DCC: variants seen among roughly 807,000 people sequenced by gnomAD.
The protein encoded by DCC is netrin receptor DCC.
In DCC, 58 loss-of-function variants were observed where a neutral mutation model predicts 172.5. The observed-to-expected ratio is 0.34, with a 90% CI of 0.27 to 0.42. DCC has a LOEUF of 0.42. Among genes scored for constraint, DCC ranks in the 10% least tolerant of loss-of-function variants. The probability of loss-of-function intolerance (pLI) is 1.00; values close to 1 mark genes in which losing one functional copy is unlikely to be tolerated. For synonymous variants in DCC, 709 were observed against 644.5 expected (o/e 1.10, Z -1.52); for missense variants, 1,740 against 1,791.0 (o/e 0.97, Z 0.51).
intron 1 of DCC, among the ~76,000 whole-genome samples, chr18:52,690,096 A>G (rs145487313): frequency 9.2e-5 from 14 of 152,276 alleles, no homozygotes; most frequent in Admixed American, 2.0e-4. Context: ...TGACAGCTTG[A>G]CAGCAGCCTC....
At chr18:53,116,496 A>C (rs2043410965) in intron 7 of DCC, among the ~76,000 whole-genome samples, 1 of 151,700 alleles carries the variant, frequency 6.6e-6, no homozygotes, top group Non-Finnish European at 1.5e-5. Flanking sequence ...GAATGACTTC[A>C]ACTTTAGTTA....
intron 2 of DCC, among the ~76,000 whole-genome samples, chr18:52,781,553 A>G (rs1238487875): frequency 2.0e-5 from 3 of 152,306 alleles, no homozygotes; most frequent in African/African-American, 7.2e-5. Flanking sequence ...GAGTAAAAAG[A>G]GTGCCTCTAA....
chr18:52,618,172 G>C (rs944560469), intron 1 of DCC, among the ~76,000 whole-genome samples: 52 of 151,880 alleles, frequency 3.4e-4, no homozygotes, highest in African/African-American at 1.3e-3. Flanking sequence ...CATTAGAAGG[G>C]AAATTCTCAT....
intron 1 of DCC, among the ~76,000 whole-genome samples, chr18:52,565,361 C>A (rs1488885813): frequency 6.6e-6 from 1 of 152,042 alleles, no homozygotes; most frequent in Non-Finnish European, 1.5e-5. Flanking sequence ...TACCCAGTAA[C>A]GGGATTGCTG....
chr18:53,303,376 T>C (rs2057162798), intron 12 of DCC, among the ~76,000 whole-genome samples: 1 of 152,228 alleles, frequency 6.6e-6, no homozygotes, highest in African/African-American at 2.4e-5. Context: ...ATTCTTTGCA[T>C]TACTGATGTT....
At chr18:53,429,788 T>A (rs1276008669) in intron 21 of DCC, among the ~76,000 whole-genome samples, 1 of 152,138 alleles carries the variant, frequency 6.6e-6, no homozygotes, top group Non-Finnish European at 1.5e-5. Flanking sequence ...TGGACAGGCA[T>A]AGCAGTAACA....
At chr18:52,931,102 G>T (rs1174658561) in intron 5 of DCC, among the ~76,000 whole-genome samples, 2 of 151,824 alleles carry the variant, frequency 1.3e-5, no homozygotes, top group Admixed American at 6.6e-5. Flanking sequence ...ACTCTAGAAG[G>T]CATAATTTAC....
At position 53,427,981 on chromosome 18, in the gene DCC, TATA is replaced by T. The variant is rs1350965766; in HGVS notation, c.3164-7159_3164-7157del. On this transcript the variant is annotated intron_variant, in intron 21 of 28. Transcript: ENST00000442544. ...TATAATAATATAATATATAATATAA[TATA>T]ATATATTATAATAATATATAATATA... 3.5e-3 allele frequency among the ~76,000 whole-genome samples: 278 copies of T among 78,480 alleles called. 32 individuals carry two copies. The highest frequency in any genetic ancestry group is 0.012 in the African/African-American group (265 of 22,096). 51.5% of individuals were successfully genotyped at this position (78,480 alleles called of 152,430 possible). A position where few individuals can be genotyped will look rare whatever the true frequency, so the allele number is the denominator to read the frequency against.
intron 1 of DCC, among the ~76,000 whole-genome samples, chr18:52,541,873 G>GTATATATATATATATATA (rs1286782640): frequency 3.3e-5 from 1 of 30,036 alleles, no homozygotes; most frequent in Admixed American, 3.9e-4. Context: ...ATGTGTGTGT[G>GTATATATATATATATATA]TGTATATATA....
At chr18:53,421,246 G>T (rs994523153) in intron 21 of DCC, among the ~76,000 whole-genome samples, 1 of 152,146 alleles carries the variant, frequency 6.6e-6, no homozygotes, top group Non-Finnish European at 1.5e-5. Context: ...CTTAGCATGA[G>T]CAGAAATGTT....
At chr18:52,963,832 T>G (rs938343935) in intron 5 of DCC, among the ~76,000 whole-genome samples, 6 of 152,038 alleles carry the variant, frequency 3.9e-5, no homozygotes, top group African/African-American at 1.2e-4. Context: ...TCTCTAGTTT[T>G]TTTTTTTTTT....
At chr18:53,329,019 A>G (rs1026618670) in intron 14 of DCC, among the ~76,000 whole-genome samples, 10 of 152,322 alleles carry the variant, frequency 6.6e-5, no homozygotes, top group Admixed American at 4.6e-4. Context: ...TACATTCAGT[A>G]CATCTTAAAA....
chr18:52,886,565 C>G (rs1754559119), intron 2 of DCC, among the ~76,000 whole-genome samples: 1 of 152,174 alleles, frequency 6.6e-6, no homozygotes, highest in Non-Finnish European at 1.5e-5. Context: ...ATGTCACTTG[C>G]CTAAGACAAG....
chr18:53,297,121 C>T lies in DCC; in HGVS notation c.1912-8457C>T, dbSNP rs1200687780. On this transcript the variant is annotated intron_variant, in intron 12 of 28. Transcript: ENST00000442544. ...TTCTGAGAAAAATTGGAGTGGTGGG[C>T]TTATCAACCTCTTTTTTTCCTGTTT... Among the ~76,000 whole-genome samples the T allele has an allele frequency of 2.0e-5, 3 of 147,266 alleles. No homozygotes were observed. In the South Asian group the frequency reaches 6.3e-4, roughly 31 times the overall value.
At chr18:53,527,101 G>A (rs993108632) in intron 28 of DCC, among the ~76,000 whole-genome samples, 1 of 134,886 alleles carries the variant, frequency 7.4e-6, no homozygotes, top group Non-Finnish European at 1.6e-5. Context: ...GTGTGTGTGT[G>A]TGTGTGTGTG....
chr18:52,481,111 A>G (rs1306962823), intron 1 of DCC, among the ~76,000 whole-genome samples: 5 of 152,214 alleles, frequency 3.3e-5, no homozygotes, highest in Non-Finnish European at 5.9e-5. Flanking sequence ...CAACTAAAGA[A>G]AGCAAACATA....
At chr18:52,717,951 A>G (rs1306884099) in intron 1 of DCC, among the ~76,000 whole-genome samples, 3 of 151,724 alleles carry the variant, frequency 2.0e-5, no homozygotes, top group Non-Finnish European at 4.4e-5. Flanking sequence ...TCACACACAA[A>G]AGAACAAAAA....
intron 1 of DCC, among the ~76,000 whole-genome samples, chr18:52,518,813 G>C (rs1251473204): frequency 6.6e-6 from 1 of 152,154 alleles, no homozygotes; most frequent in African/African-American, 2.4e-5. Context: ...CCCCTATGGT[G>C]CATTTTTGTT....
At chr18:53,514,528 T>G (rs992734059) in intron 27 of DCC, among the ~76,000 whole-genome samples, 6 of 151,684 alleles carry the variant, frequency 4.0e-5, no homozygotes, top group African/African-American at 1.5e-4. Flanking sequence ...TTTGAAAGGA[T>G]CAACAAAATT....
Sources: allele counts gnomAD v4.1 joint callset (sites outside exome capture counted in the v4.1 genomes callset), GRCh38; gene constraint gnomAD v4.1.1; transcripts MANE v1.5; gene names NCBI Gene and HGNC (gene_info 2026-07-23, HGNC 2026-07-21).